DLG2: variants seen among roughly 807,000 people sequenced by gnomAD.
The protein encoded by DLG2 is disks large homolog 2.
Under a neutral mutation model 132.5 loss-of-function variants are expected in DLG2, and 45 were observed. That is an observed-to-expected ratio of 0.34 (90% CI 0.27 to 0.44). The LOEUF (loss-of-function observed/expected upper bound fraction) is 0.44, where lower values mean the gene tolerates loss of function less well. Among genes scored for constraint, DLG2 ranks in the 20% least tolerant of loss-of-function variants. DLG2 has a pLI of 1.00. For synonymous variants in DLG2, 424 were observed against 419.6 expected, an observed-to-expected ratio of 1.01 and a Z score of -0.13; for missense variants, 1,045 against 1,196.9, an observed-to-expected ratio of 0.87 and a Z score of 1.87.
chr11:84,153,989 GC>G (rs1477846890), intron 9 of DLG2, among the ~76,000 whole-genome samples: 3 of 152,076 alleles, frequency 2.0e-5, no homozygotes, highest in African/African-American at 2.4e-5. Context: ...ACTTGGACAG[GC>G]TTTTGAAGTT....
chr11:84,711,025 T>TAC (rs550463217), intron 6 of DLG2, among the ~76,000 whole-genome samples: 1 of 100,516 alleles, frequency 9.9e-6, no homozygotes, highest in Non-Finnish European at 2.2e-5. Context: ...TATATATATA[T>TAC]ATATATAGAG....
intron 3 of DLG2, among the ~76,000 whole-genome samples, chr11:85,470,598 C>T (rs1431026176): frequency 6.6e-6 from 1 of 152,034 alleles, no homozygotes; most frequent in Admixed American, 6.5e-5. Flanking sequence ...TGTTGCATTC[C>T]CCAGCTACTC....
upstream of DLG2, among the ~76,000 whole-genome samples, chr11:85,628,312 T>C (rs574815898): frequency 6.6e-6 from 1 of 152,148 alleles, no homozygotes; most frequent in Non-Finnish European, 1.5e-5. Context: ...GGCCGCCCCA[T>C]CTTTCCCGCA....
At chr11:85,391,183 C>T (rs529391388) in intron 3 of DLG2, among the ~76,000 whole-genome samples, 1 of 151,994 alleles carries the variant, frequency 6.6e-6, no homozygotes, top group Non-Finnish European at 1.5e-5. Flanking sequence ...ACTAGAAAAC[C>T]TAGAGGACAT....
intron 7 of DLG2, among the ~76,000 whole-genome samples, chr11:84,352,274 A>G (rs1485409315): frequency 6.6e-6 from 1 of 152,164 alleles, no homozygotes; most frequent in African/African-American, 2.4e-5. Context: ...CTGGCTCATG[A>G]ACCTTGGGAA....
At chr11:84,653,723 A>G (rs2099684800) in intron 6 of DLG2, among the ~76,000 whole-genome samples, 1 of 152,164 alleles carries the variant, frequency 6.6e-6, no homozygotes, top group South Asian at 2.1e-4. Context: ...AACTTATGGG[A>G]TATTACAGCA....
At chr11:85,483,703 G>A (rs1003803703) in intron 3 of DLG2, among the ~76,000 whole-genome samples, 1 of 151,956 alleles carries the variant, frequency 6.6e-6, no homozygotes, top group Non-Finnish European at 1.5e-5. Context: ...CAGAACTTTG[G>A]GATGCCAAGG....
chr11:85,518,944 T>C (rs2094222728), intron 3 of DLG2, among the ~76,000 whole-genome samples: 1 of 152,176 alleles, frequency 6.6e-6, no homozygotes, highest in African/African-American at 2.4e-5. Context: ...CCACGTGGTG[T>C]TGAGCCTGTG....
At chr11:84,559,997 T>C (rs544646559) in intron 6 of DLG2, among the ~76,000 whole-genome samples, 1 of 152,116 alleles carries the variant, frequency 6.6e-6, no homozygotes, top group Non-Finnish European at 1.5e-5. Flanking sequence ...GGAGGAAGAA[T>C]CTAAGGCTCA....
At chr11:84,639,623 T>C (rs1050788692) in intron 6 of DLG2, among the ~76,000 whole-genome samples, 1 of 152,158 alleles carries the variant, frequency 6.6e-6, no homozygotes, top group African/African-American at 2.4e-5. Context: ...ACTTCTCAAC[T>C]TACATCTGCC....
chr11:84,006,556 G>T (rs147034765), intron 11 of DLG2, among the ~76,000 whole-genome samples: 6 of 146,728 alleles, frequency 4.1e-5, no homozygotes, highest in African/African-American at 1.1e-4. Flanking sequence ...AAGTATTTAC[G>T]ATAAATACTT....
chr11:84,075,545 C>G (rs1416632905), intron 10 of DLG2, among the ~76,000 whole-genome samples: 1 of 152,160 alleles, frequency 6.6e-6, no homozygotes, highest in Non-Finnish European at 1.5e-5. Flanking sequence ...AATTTGAATT[C>G]TGATAGCTCT....
intron 18 of DLG2, chr11:83,724,786 T>C: frequency 1.4e-6 from 1 of 697,354 alleles, no homozygotes; most frequent in South Asian, 1.5e-5. Context: ...TCTTTTCATT[T>C]TACTGGCCAC....
intron 6 of DLG2, among the ~76,000 whole-genome samples, chr11:84,716,237 T>C (rs2061212325): frequency 6.6e-6 from 1 of 152,072 alleles, no homozygotes; most frequent in East Asian, 1.9e-4. Flanking sequence ...CCAGGTCCCT[T>C]GTGCATTTTT....
intron 6 of DLG2, among the ~76,000 whole-genome samples, chr11:84,885,308 A>G (rs1011244842): frequency 5.9e-5 from 9 of 151,434 alleles, no homozygotes; most frequent in Admixed American, 3.3e-4. Context: ...TGGCATGCAC[A>G]AAGGTATGCA....
chr11:84,493,453 T>A (rs1009798839), intron 7 of DLG2, among the ~76,000 whole-genome samples: 3 of 152,034 alleles, frequency 2.0e-5, no homozygotes, highest in African/African-American at 7.2e-5. Context: ...CCCCTTCCCA[T>A]CCTCTCCAAC....
At chr11:84,606,783 G>A (rs992141422) in intron 6 of DLG2, among the ~76,000 whole-genome samples, 1 of 152,004 alleles carries the variant, frequency 6.6e-6, no homozygotes. Context: ...AAAAGGGGAA[G>A]AAAAAGGTCA....
chr11:84,650,438 T>C (rs778039529), intron 6 of DLG2, among the ~76,000 whole-genome samples: 2 of 152,204 alleles, frequency 1.3e-5, no homozygotes, highest in Non-Finnish European at 2.9e-5. Context: ...TTGGACATCT[T>C]AATTACTGAA....
At chr11:85,222,925 A>G (rs2074745543) in intron 4 of DLG2, among the ~76,000 whole-genome samples, 1 of 152,010 alleles carries the variant, frequency 6.6e-6, no homozygotes, top group African/African-American at 2.4e-5. Flanking sequence ...TCTTCCACTC[A>G]ACAGTTTGTA....
Sources: allele counts gnomAD v4.1 joint callset (sites outside exome capture counted in the v4.1 genomes callset), GRCh38; gene constraint gnomAD v4.1.1; transcripts MANE v1.5; gene names NCBI Gene and HGNC (gene_info 2026-07-23, HGNC 2026-07-21).